VPS13D: variants seen among roughly 807,000 people sequenced by gnomAD.
The protein encoded by VPS13D is vacuolar protein sorting 13 homolog D.
In VPS13D, 187 loss-of-function variants were observed where a neutral mutation model predicts 461.9. The ratio of observed to expected loss-of-function variants is 0.40; its 90% CI spans 0.36 to 0.46. VPS13D has a LOEUF of 0.46. Among genes scored for constraint, VPS13D ranks in the 20% least tolerant of loss-of-function variants. The pLI is 0.60. For missense variants in VPS13D, 4,711 were observed against 5,364.9 expected (o/e 0.88, Z 3.81); for synonymous variants, 1,951 against 1,986.3 (o/e 0.98, Z 0.47).
In VPS13D at chr1:12,389,857, G is replaced by A. The variant is rs114781756; in HGVS notation, c.11634+3523G>A. ...AGTTTCCCATTGCCTTAATCACAGG[G>A]CATGGTAATCCTAAGAGATGCCCTA... On this transcript the variant is annotated intron_variant, in intron 60 of 69. Coordinates refer to ENST00000620676, the MANE Select transcript of VPS13D (RefSeq NM_015378.4). Among the ~76,000 whole-genome samples the A allele has an allele frequency of 9.7e-3, 1,481 of 152,286 alleles. 27 individuals are homozygous for A. Among genetic ancestry groups the A allele is most frequent in the African/African-American group, 0.033 (1,351 of 41,544 alleles).
chr1:12,319,975 C>T (rs922880501), intron 32 of VPS13D, among the ~76,000 whole-genome samples: 3 of 152,200 alleles, frequency 2.0e-5, no homozygotes, highest in African/African-American at 4.8e-5. Context: ...AAGGTGAGGC[C>T]GTGGGTCTCA....
At chr1:12,323,644 T>C in intron 34 of VPS13D, 62 bp from the exon 35 acceptor site, 2 of 1,489,710 alleles carry the variant, frequency 1.3e-6, no homozygotes, top group East Asian at 4.7e-5. Context: ...TTTTCTAAAA[T>C]TAGTTTGTAG....
chr1:12,377,402 C>T (rs185457647), intron 55 of VPS13D, among the ~76,000 whole-genome samples: 23 of 152,082 alleles, frequency 1.5e-4, no homozygotes, highest in African/African-American at 5.1e-4. Context: ...CAATGTCTAG[C>T]GCATAGTAAG....
At chr1:12,394,873 C>T (rs1024889925) in intron 60 of VPS13D, among the ~76,000 whole-genome samples, 5 of 152,230 alleles carry the variant, frequency 3.3e-5, no homozygotes, top group Admixed American at 6.5e-5. Flanking sequence ...AGAATGCCTA[C>T]TTAGTGGGCC....
intron 52 of VPS13D, among the ~76,000 whole-genome samples, chr1:12,367,268 G>A (rs1363569345): frequency 3.3e-5 from 5 of 152,262 alleles, no homozygotes; most frequent in African/African-American, 1.2e-4. Context: ...AAATATTTTC[G>A]ATAGCTATAC....
chr1:12,456,510 T>A (rs6671582), intron 66 of VPS13D, among the ~76,000 whole-genome samples: 2 of 151,636 alleles, frequency 1.3e-5, no homozygotes, highest in Admixed American at 1.3e-4. Context: ...TGGTGGTACA[T>A]GCCTGTAGTC....
intron 60 of VPS13D, among the ~76,000 whole-genome samples, chr1:12,391,122 A>G (rs371986998): frequency 6.6e-6 from 1 of 152,204 alleles, no homozygotes; most frequent in Non-Finnish European, 1.5e-5. Context: ...ACCTCCCATG[A>G]ATCAGTATAT....
chr1:12,306,227 G>T (rs1489539010), intron 26 of VPS13D, among the ~76,000 whole-genome samples: 1 of 152,092 alleles, frequency 6.6e-6, no homozygotes, highest in Non-Finnish European at 1.5e-5. Context: ...CTCGTGATCC[G>T]CCCCGATTTC....
At chr1:12,352,344 T>C (rs1218207826) in intron 46 of VPS13D, among the ~76,000 whole-genome samples, 1 of 151,946 alleles carries the variant, frequency 6.6e-6, no homozygotes, top group Non-Finnish European at 1.5e-5. Flanking sequence ...TACATATATC[T>C]GAGAAAGGAT....
chr1:12,234,137 G>A, intron 1 of VPS13D, 54 bp from the exon 2 acceptor site: 1 of 658,426 alleles, frequency 1.5e-6, no homozygotes, highest in Non-Finnish European at 2.6e-6. Context: ...GGAGGAAATT[G>A]GCTTAGAAAA....
At position 12,295,119 on chromosome 1, in the gene VPS13D, G is replaced by A. The variant is rs549555338; in HGVS notation, c.6033+1415G>A. 1.7e-3 allele frequency among the ~76,000 whole-genome samples: 264 copies of A among 151,402 alleles called. 1 individual carries two copies. Among genetic ancestry groups the A allele is most frequent in the African/African-American group, 5.9e-3 (243 of 41,296 alleles). On this transcript the variant is annotated intron_variant, in intron 24 of 69. Coordinates refer to ENST00000620676, the MANE Select transcript of VPS13D (RefSeq NM_015378.4). ...TGTGTCTGTAGTCCCAGGTACTTGG[G>A]AGGCTGAGGTGGGAGGATGGCTTGA...
chr1:12,435,268 G>A (rs1487464750), intron 65 of VPS13D, among the ~76,000 whole-genome samples: 1 of 151,658 alleles, frequency 6.6e-6, no homozygotes, highest in African/African-American at 2.4e-5. Context: ...AGACCAGCCT[G>A]GGCAACATGA....
At chr1:12,300,775 C>T (rs988606206) in intron 25 of VPS13D, among the ~76,000 whole-genome samples, 1 of 152,054 alleles carries the variant, frequency 6.6e-6, no homozygotes, top group Non-Finnish European at 1.5e-5. Context: ...TTAGATGGTC[C>T]GATTAGTCCC....
At chr1:12,435,351 C>T (rs1419357953) in intron 65 of VPS13D, among the ~76,000 whole-genome samples, 1 of 151,858 alleles carries the variant, frequency 6.6e-6, no homozygotes, top group Non-Finnish European at 1.5e-5. Context: ...GTCACACCTA[C>T]ATGGGAGGCT....
At chr1:12,354,297 GTA>G in intron 47 of VPS13D, 76 bp downstream of exon 47, 1 of 1,546,044 alleles carries the variant, frequency 6.5e-7, no homozygotes, top group Non-Finnish European at 8.8e-7. Flanking sequence ...TATTTATTTG[GTA>G]AGCATCTTGG....
At chr1:12,422,421 A>C (rs1324890786) in intron 65 of VPS13D, among the ~76,000 whole-genome samples, 1 of 152,164 alleles carries the variant, frequency 6.6e-6, no homozygotes. Flanking sequence ...TCCCAGCTCA[A>C]ATTCTGCAGA....
intron 49 of VPS13D, among the ~76,000 whole-genome samples, chr1:12,357,076 G>A (rs1246437327): frequency 6.6e-6 from 1 of 152,248 alleles, no homozygotes; most frequent in East Asian, 1.9e-4. Flanking sequence ...TGCTTTTAAT[G>A]TATGGTAGGA....
At chr1:12,370,992 T>TA (rs1424683811) in intron 54 of VPS13D, among the ~76,000 whole-genome samples, 2 of 152,222 alleles carry the variant, frequency 1.3e-5, no homozygotes, top group African/African-American at 4.8e-5. Context: ...GTATATCAGA[T>TA]ACTAATTATT....
rs1329223553 is a variant in VPS13D at position 12,400,172 on chromosome 1, T to C, written c.11635-9T>C. The C allele has an allele frequency of 1.9e-6, 3 of 1,611,106 alleles. No individual in the cohort carries two copies. Among genetic ancestry groups the C allele is most frequent in the Admixed American group, 3.4e-5 (2 of 59,636 alleles). ...TTGTTTTTGCTTTGCTACCTTTCCA[T>C]GGCCGTAGGTGGACAATCAGCTCAT... On this transcript the variant is annotated splice_polypyrimidine_tract_variant and intron_variant, in intron 60 of 69. Transcript: ENST00000620676.
Sources: gnomAD v4.1 joint callset for allele counts (sites outside exome capture counted in the v4.1 genomes callset) on GRCh38, gnomAD v4.1.1 for gene constraint, MANE v1.5 for transcripts, NCBI Gene and HGNC (gene_info 2026-07-23, HGNC 2026-07-21) for gene names.